GRIK2: variants seen among roughly 807,000 people sequenced by gnomAD.
The protein encoded by GRIK2 is glutamate ionotropic receptor kainate type subunit 2.
GRIK2 carries 32 observed loss-of-function variants against 100.3 expected under a neutral mutation model. The ratio of observed to expected loss-of-function variants is 0.32; its 90% CI spans 0.24 to 0.43. The LOEUF (loss-of-function observed/expected upper bound fraction) is 0.43, where lower values mean the gene tolerates loss of function less well. Among genes scored for constraint, GRIK2 ranks in the 20% least tolerant of loss-of-function variants. The pLI, the probability that GRIK2 is intolerant of heterozygous loss-of-function variation, is 1.00. For missense variants in GRIK2, 843 were observed against 1,114.9 expected (o/e 0.76, Z 3.47); for synonymous variants, 417 against 389.4 (o/e 1.07, Z -0.83).
chr6:101,464,468 AT>A (rs1051470322), intron 2 of GRIK2, among the ~76,000 whole-genome samples: 1 of 135,302 alleles, frequency 7.4e-6, no homozygotes, highest in African/African-American at 2.8e-5. Context: ...ATTGTGCTTC[AT>A]TATAATTTTT....
chr6:101,897,029 CACAG>C (rs1787501521), intron 12 of GRIK2, among the ~76,000 whole-genome samples: 1 of 149,214 alleles, frequency 6.7e-6, no homozygotes, highest in East Asian at 2.0e-4. Flanking sequence ...CACACACACA[CACAG>C]ACACATACAC....
At chr6:101,945,972 TATA>T (rs1791250598) in intron 14 of GRIK2, among the ~76,000 whole-genome samples, 1 of 150,218 alleles carries the variant, frequency 6.7e-6, no homozygotes, top group Admixed American at 6.7e-5. Flanking sequence ...AATTAATCAA[TATA>T]AGATTATTAA....
intron 1 of GRIK2, among the ~76,000 whole-genome samples, chr6:101,395,638 T>A (rs1476863824): frequency 6.6e-6 from 1 of 152,372 alleles, no homozygotes; most frequent in East Asian, 1.9e-4. Flanking sequence ...AGGTCATTAG[T>A]ATCTGCAAAT....
At chr6:101,692,020 C>G (rs1009249272) in intron 7 of GRIK2, among the ~76,000 whole-genome samples, 14 of 120,822 alleles carry the variant, frequency 1.2e-4, no homozygotes, top group African/African-American at 4.5e-4. Flanking sequence ...CAGCTAAACT[C>G]CAACGTAACA....
intron 14 of GRIK2, among the ~76,000 whole-genome samples, chr6:101,983,513 A>C (rs1793837938): frequency 6.6e-6 from 1 of 151,820 alleles, no homozygotes; most frequent in African/African-American, 2.4e-5. Flanking sequence ...TCTCTATTTT[A>C]CAAACACACT....
intron 14 of GRIK2, among the ~76,000 whole-genome samples, chr6:101,975,292 A>C (rs1793296679): frequency 6.6e-6 from 1 of 151,956 alleles, no homozygotes; most frequent in African/African-American, 2.4e-5. Context: ...AATCTTGGGA[A>C]TAGATGAAAT....
intron 14 of GRIK2, among the ~76,000 whole-genome samples, chr6:101,957,240 T>C (rs749283931): frequency 2.2e-5 from 3 of 137,398 alleles, no homozygotes; most frequent in Non-Finnish European, 4.6e-5. Flanking sequence ...ATTTCTCTGA[T>C]AATTTGTGCC....
At chr6:101,791,804 T>G (rs370543815) in intron 7 of GRIK2, among the ~76,000 whole-genome samples, 2,590 of 149,740 alleles carry the variant, frequency 0.017, 78 homozygotes, top group African/African-American at 0.059. Flanking sequence ...GTTGACAGTG[T>G]GGTGTTAAAG....
chr6:101,720,854 T>G (rs553348988), intron 7 of GRIK2, among the ~76,000 whole-genome samples: 4 of 152,120 alleles, frequency 2.6e-5, no homozygotes, highest in Non-Finnish European at 5.9e-5. Flanking sequence ...CAGAATTATT[T>G]TCAGACAATA....
rs9498786 is a variant in GRIK2 at position 101,983,625 on chromosome 6, A to T, written c.2086-51716A>T. 9.6e-3 allele frequency among the ~76,000 whole-genome samples: 1,464 copies of T among 151,936 alleles called. 27 individuals carry two copies. Among genetic ancestry groups the T allele is most frequent in the African/African-American group, 0.034 (1,419 of 41,524 alleles). Reference sequence around the variant, plus strand: ...ATATATAACTCAATGATAAAAATATATTTTAATGGCAGATTTACTTGGTAT... The same window carrying T: ...ATATATAACTCAATGATAAAAATATTTTTTAATGGCAGATTTACTTGGTAT... On this transcript the variant is annotated intron_variant, in intron 14 of 16. Transcript: ENST00000369134.
At chr6:101,898,142 T>A (rs999225437) in intron 12 of GRIK2, among the ~76,000 whole-genome samples, 1 of 151,892 alleles carries the variant, frequency 6.6e-6, no homozygotes, top group Non-Finnish European at 1.5e-5. Context: ...AATAAATACA[T>A]ATATAGCAGC....
chr6:101,919,313 C>T (rs192804384), intron 12 of GRIK2, among the ~76,000 whole-genome samples: 17 of 151,526 alleles, frequency 1.1e-4, no homozygotes, highest in Non-Finnish European at 1.8e-4. Context: ...GCAATGAAGT[C>T]GGTAAGATGA....
intron 2 of GRIK2, among the ~76,000 whole-genome samples, chr6:101,475,045 G>T (rs578071709): frequency 6.6e-6 from 1 of 151,814 alleles, no homozygotes; most frequent in African/African-American, 2.4e-5. Context: ...TAACCAGAAG[G>T]TGTAACTCTT....
At chr6:101,503,747 A>G (rs1280068464) in intron 2 of GRIK2, among the ~76,000 whole-genome samples, 1 of 152,070 alleles carries the variant, frequency 6.6e-6, no homozygotes, top group African/African-American at 2.4e-5. Context: ...ATGTTCTTTT[A>G]ACACTTTTCC....
intron 15 of GRIK2, among the ~76,000 whole-genome samples, chr6:102,040,453 A>G (rs1239489767): frequency 1.3e-5 from 2 of 151,550 alleles, no homozygotes; most frequent in Admixed American, 6.6e-5. Flanking sequence ...AGCCTAAAGT[A>G]AAAAATGTAA....
At chr6:101,528,784 T>G (rs772828894) in intron 2 of GRIK2, among the ~76,000 whole-genome samples, 4 of 152,204 alleles carry the variant, frequency 2.6e-5, no homozygotes, top group Non-Finnish European at 5.9e-5. Flanking sequence ...AATTATGATA[T>G]GTCCAGAAAC....
intron 5 of GRIK2, among the ~76,000 whole-genome samples, chr6:101,678,050 A>G (rs1582944221): frequency 6.6e-6 from 1 of 152,234 alleles, no homozygotes; most frequent in East Asian, 1.9e-4. Context: ...ATTCCCAAAC[A>G]ATTCCTGATC....
chr6:102,035,248 AG>A, intron 14 of GRIK2, 92 bp from the exon 15 acceptor site: 1 of 538,438 alleles, frequency 1.9e-6, no homozygotes, highest in Non-Finnish European at 3.4e-6. Flanking sequence ...GTACAAGTAA[AG>A]TAAATGTAGT....
At chr6:101,654,438 C>T (rs530541418) in intron 4 of GRIK2, among the ~76,000 whole-genome samples, 1 of 152,132 alleles carries the variant, frequency 6.6e-6, no homozygotes, top group African/African-American at 2.4e-5. Flanking sequence ...GCTAATAGAG[C>T]CTTTCCCAAG....
Sources: gnomAD v4.1 joint callset for allele counts (sites outside exome capture counted in the v4.1 genomes callset) on GRCh38, gnomAD v4.1.1 for gene constraint, MANE v1.5 for transcripts, NCBI Gene and HGNC (gene_info 2026-07-23, HGNC 2026-07-21) for gene names.